ARHGAP35: variants seen among roughly 807,000 people sequenced by gnomAD.
ARHGAP35 encodes rho GTPase-activating protein 35.
ARHGAP35 carries 15 observed loss-of-function variants against 111.1 expected under a neutral mutation model. The ratio of observed to expected loss-of-function variants is 0.13; its 90% CI spans 0.09 to 0.21. ARHGAP35 has a LOEUF of 0.21. ARHGAP35 is among the 10% of genes least tolerant of loss of function. ARHGAP35 has a pLI of 1.00. For missense variants in ARHGAP35, 1,262 were observed against 1,873.0 expected (o/e 0.67, Z 6.02); for synonymous variants, 643 against 710.3 (o/e 0.91, Z 1.51).
intron 2 of ARHGAP35, among the ~76,000 whole-genome samples, chr19:46,934,524 T>G (rs988373159): frequency 6.6e-6 from 1 of 151,956 alleles, no homozygotes; most frequent in African/African-American, 2.4e-5. Context: ...CTTGCCATCA[T>G]GCCCGGCTAA....
At chr19:46,887,439 G>A (rs866005044) in intron 1 of ARHGAP35, among the ~76,000 whole-genome samples, 10 of 152,038 alleles carry the variant, frequency 6.6e-5, no homozygotes, top group African/African-American at 1.5e-4. Context: ...TGAACATTAG[G>A]GGAAGCTGGG....
intron 1 of ARHGAP35, among the ~76,000 whole-genome samples, chr19:46,907,413 G>A (rs935237699): frequency 1.3e-5 from 2 of 151,612 alleles, no homozygotes; most frequent in African/African-American, 2.4e-5. Context: ...GCCTCCCAGA[G>A]TGCTGGGATT....
At position 46,921,958 on chromosome 19, in the gene ARHGAP35, G is replaced by C. The variant is rs763170165; in HGVS notation, c.3283G>C (p.Val1095Leu). The change falls in exon 2 of 7, where the codon GTG becomes CTG. Residue 1095 changes from valine to leucine, a missense_variant. By Grantham distance (32) the Val-to-Leu change is conservative (BLOSUM62 1). Coordinates refer to ENST00000672722, the MANE Select transcript of ARHGAP35 (RefSeq NM_004491.5). This position sits in a 1 kb window ranked among gnomAD's most constrained non-coding sequence, Gnocchi z 4.3. ...SDYAEPMDAV[V>L]KPRNEEENIY... The stretch of plus-strand genomic sequence containing the variant: ...CTATGCTGAACCCATGGATGCTGTG[G>C]TGAAGCCAAGGAATGAAGAAGAAAA... The C allele has an allele frequency of 2.4e-5, 39 of 1,613,998 alleles. No homozygotes were observed. The highest frequency in any genetic ancestry group is 3.2e-5 in the Non-Finnish European group (38 of 1,179,892).
intron 1 of ARHGAP35, among the ~76,000 whole-genome samples, chr19:46,885,139 T>C (rs1443936614): frequency 6.6e-6 from 1 of 152,222 alleles, no homozygotes; most frequent in African/African-American, 2.4e-5. Context: ...TAGGATGGAT[T>C]GGACTTTTGA....
intron 3 of ARHGAP35, among the ~76,000 whole-genome samples, chr19:46,941,051 CT>C (rs1405085583): frequency 6.6e-6 from 1 of 151,980 alleles, no homozygotes; most frequent in Non-Finnish European, 1.5e-5. Flanking sequence ...TCCCACCCTC[CT>C]TTTTTTTCCC....
chr19:46,880,231 G>A (rs1055789871), intron 1 of ARHGAP35, among the ~76,000 whole-genome samples: 4 of 152,014 alleles, frequency 2.6e-5, no homozygotes, highest in African/African-American at 7.3e-5. Context: ...TCAGGAGTTC[G>A]ACACCAGCCT....
At chr19:46,998,892 C>T (rs1381636267) in intron 5 of ARHGAP35, among the ~76,000 whole-genome samples, 1 of 152,254 alleles carries the variant, frequency 6.6e-6, no homozygotes, top group African/African-American at 2.4e-5. Context: ...CCTCGAAGGC[C>T]TGTTGGCGTG....
intron 3 of ARHGAP35, among the ~76,000 whole-genome samples, chr19:46,942,040 G>T (rs966139743): frequency 2.2e-4 from 33 of 152,138 alleles, no homozygotes; most frequent in African/African-American, 7.2e-4. Context: ...AATTAAACCT[G>T]GTATCTGTGA....
chr19:46,954,799 C>T (rs2056430168), intron 3 of ARHGAP35, among the ~76,000 whole-genome samples: 1 of 152,274 alleles, frequency 6.6e-6, no homozygotes, highest in Non-Finnish European at 1.5e-5. Context: ...TAGTCCAAAG[C>T]TCCTGATAAC....
intron 3 of ARHGAP35, among the ~76,000 whole-genome samples, chr19:46,946,303 G>A (rs2056379154): frequency 6.6e-6 from 1 of 152,204 alleles, no homozygotes; most frequent in South Asian, 2.1e-4. Flanking sequence ...CCCTTGGGAG[G>A]GGTCAGGGTA....
intron 3 of ARHGAP35, among the ~76,000 whole-genome samples, chr19:46,987,080 G>A (rs538239283): frequency 7.9e-5 from 12 of 151,514 alleles, no homozygotes; most frequent in South Asian, 6.3e-4. Flanking sequence ...CACCCACCTC[G>A]ACCTCCCAAA....
rs757619393 is a variant in ARHGAP35 at position 46,988,240 on chromosome 19, G to A, written c.3904+174G>A. On this transcript the variant is annotated intron_variant, in intron 4 of 6. Coordinates refer to ENST00000672722, the MANE Select transcript of ARHGAP35 (RefSeq NM_004491.5). This position sits in a 1 kb window ranked among gnomAD's most constrained non-coding sequence, Gnocchi z 5.4. Reference sequence around the variant, plus strand: ...TGGCTGCAGCGGGGAGGAGGGGACCGGGTCCTGTCAGTGAACCGAAGCACC... The same window carrying A: ...TGGCTGCAGCGGGGAGGAGGGGACCAGGTCCTGTCAGTGAACCGAAGCACC... 4 of 624,462 alleles carry A rather than the reference G, an allele frequency of 6.4e-6. No individual in the cohort carries two copies. The highest frequency in any genetic ancestry group is 8.4e-6 in the Non-Finnish European group (3 of 358,420). The allele number at this position is 624,462 out of a possible 1,614,324, so 38.7% of individuals were successfully genotyped here.
chr19:46,941,831 A>T, intron 3 of ARHGAP35, among the ~76,000 whole-genome samples: 1 of 140,050 alleles, frequency 7.1e-6, no homozygotes, highest in South Asian at 2.4e-4. Flanking sequence ...AAGTGCTGGG[A>T]TTATAAGCAT....
At chr19:46,972,006 G>GTTGT (rs576184775) in intron 3 of ARHGAP35, among the ~76,000 whole-genome samples, 21 of 152,048 alleles carry the variant, frequency 1.4e-4, no homozygotes, top group Admixed American at 3.9e-4. Context: ...GCTAATAAGT[G>GTTGT]TTGTTTGTTT....
chr19:46,988,939 A>C lies in ARHGAP35; in HGVS notation c.3905-605A>C, dbSNP rs1568488789. 6.5e-6 allele frequency: 1 copy of C among 153,784 alleles called. No homozygotes were observed. Among genetic ancestry groups the C allele is most frequent in the African/African-American group, 2.4e-5 (1 of 41,380 alleles). 9.5% of individuals were successfully genotyped at this position (153,784 alleles called of 1,614,324 possible). A position where few individuals can be genotyped will look rare whatever the true frequency, so the allele number is the denominator to read the frequency against. ...TATATGGGAGATCCTGTACCAGCTT[A>C]CCTCCCCCATAGTGGAACCTGGTAC... On this transcript the variant is annotated intron_variant, in intron 4 of 6. Transcript: ENST00000672722. The surrounding 1 kb of genome is among the most constrained non-coding windows in gnomAD (Gnocchi z 5.4).
In ARHGAP35 at chr19:46,992,182, C is replaced by T. The variant is rs1239647070; in HGVS notation, c.4036+2507C>T. 6.6e-6 allele frequency among the ~76,000 whole-genome samples: 1 copy of T among 152,202 alleles called. No homozygotes were observed. Among genetic ancestry groups the T allele is most frequent in the Non-Finnish European group, 1.5e-5 (1 of 68,046 alleles). On this transcript the variant is annotated intron_variant, in intron 5 of 6. Transcript: ENST00000672722. The surrounding 1 kb of genome is among the most constrained non-coding windows in gnomAD (Gnocchi z 4.4). The stretch of plus-strand genomic sequence containing the variant: ...GGCTCTCCACGAGGCACTTGATTCC[C>T]ACCACTGATCTTCCTTTGAGGAAGA...
chr19:46,900,561 G>C (rs2056079446), intron 1 of ARHGAP35, among the ~76,000 whole-genome samples: 1 of 152,058 alleles, frequency 6.6e-6, no homozygotes. Context: ...AGTTCTGCAG[G>C]GCCTTGATAA....
chr19:46,969,005 T>C (rs992035820), intron 3 of ARHGAP35, among the ~76,000 whole-genome samples: 2 of 152,100 alleles, frequency 1.3e-5, no homozygotes, highest in Non-Finnish European at 2.9e-5. Context: ...AAGAATCTCT[T>C]GAACCTGGAA....
At chr19:46,872,340 G>T (rs1413764106) in intron 1 of ARHGAP35, among the ~76,000 whole-genome samples, 1 of 151,912 alleles carries the variant, frequency 6.6e-6, no homozygotes, top group Non-Finnish European at 1.5e-5. Context: ...TAGGATTATG[G>T]GTGATTAAAA....
Sources: gnomAD v4.1 joint callset for allele counts (sites outside exome capture counted in the v4.1 genomes callset) on GRCh38, gnomAD v4.1.1 for gene constraint, Gnocchi (gnomAD v3.1) non-coding constraint, MANE v1.5 for transcripts, NCBI Gene and HGNC (gene_info 2026-07-23, HGNC 2026-07-21) for gene names.